The following LMF2 variants were observed in gnomAD, a reference collection of about 807,000 sequenced individuals.
LMF2 encodes transmembrane protein 112B.
A neutral mutation model predicts 81.5 loss-of-function variants in LMF2; 113 were observed. The observed-to-expected ratio is 1.39, with a 90% CI of 1.19 to 1.62. LMF2 has a LOEUF of 1.62. Among genes scored for constraint, LMF2 ranks in the 40% most tolerant of loss-of-function variants. The pLI is 0.00. For synonymous variants in LMF2, 645 were observed against 424.5 expected (o/e 1.52, Z -6.39); for missense variants, 1,235 against 929.1 (o/e 1.33, Z -4.28).
At position 50,506,797 on chromosome 22, in the gene LMF2, G is replaced by A. The variant is rs1301590338; in HGVS notation, c.333C>T (p.Tyr111=). The change falls in exon 2 of 14, where the codon TAC becomes TAT. Residue 111 remains tyrosine (Y), a synonymous_variant. Transcript: ENST00000474879. ...TCCCACTTGCCTGGCAGGCTGACAG[G>A]TAGGCGGCCCAAAGCAGCAAGTAGA... is the stretch of plus-strand genomic sequence containing the variant. ...PVIYLLLWAA[Y]LSACQVGQVF... The A allele has an allele frequency of 5.6e-6, 9 of 1,612,546 alleles. No individual in the cohort carries two copies. Among genetic ancestry groups the A allele is most frequent in the East Asian group, 2.2e-5 (1 of 44,850 alleles).
chr22:50,505,720 G>A lies in LMF2; in HGVS notation c.870C>T (p.His290=), dbSNP rs368160973. ...TGCCGTGGCCAGGCTCAGCAGCCAG[G>A]TGCTGGTCGTCCAGCAGCGCAGTGG... The part of the protein sequence containing the change: ...VLTTALLDDQ[H]LAAEPGHGSR... Residue 290 remains histidine (H), a synonymous_variant, in exon 6 of 14, where the codon CAC becomes CAT. Coordinates refer to ENST00000474879, the MANE Select transcript of LMF2 (RefSeq NM_033200.3). 59 of 1,612,904 alleles carry A rather than the reference G, an allele frequency of 3.7e-5. No homozygotes were observed. The highest frequency in any genetic ancestry group is 4.7e-5 in the Non-Finnish European group (55 of 1,179,970).
Position 50,503,300 on chromosome 22 carries a change from C to G in LMF2, c.*91G>C. On this transcript the variant is annotated 3_prime_UTR_variant, in exon 14 of 14. Coordinates refer to ENST00000474879, the MANE Select transcript of LMF2 (RefSeq NM_033200.3). ...CCTGTGCCTGGCCCTGCAGGGTCAG[C>G]TAAGGCACAGTGGCTGGGTCCTGTC... is the stretch of plus-strand genomic sequence containing the variant. The G allele has an allele frequency of 7.1e-7, 1 of 1,408,166 alleles. No individual in the cohort carries two copies. The highest frequency in any genetic ancestry group is 9.7e-7 in the Non-Finnish European group (1 of 1,027,902). The allele number at this position is 1,408,166 out of a possible 1,614,324, so 87.2% of individuals were successfully genotyped here. A position where few individuals can be genotyped will look rare whatever the true frequency, so the allele number is the denominator to read the frequency against.
chr22:50,506,720 T>TA (rs768501336), intron 2 of LMF2, 54 bp from the exon 3 acceptor site: 31 of 1,612,892 alleles, frequency 1.9e-5, no homozygotes, highest in Non-Finnish European at 2.2e-5. Flanking sequence ...TCAGGTAAGG[T>TA]AGAGGCAGGG....
Position 50,503,494 on chromosome 22 carries a change from C to A in LMF2, c.2021G>T (p.Arg674Leu), listed in dbSNP as rs767504721. The A allele has an allele frequency of 6.3e-6, 10 of 1,585,516 alleles. No homozygotes were observed. Among genetic ancestry groups the A allele is most frequent in the Non-Finnish European group, 8.6e-6 (10 of 1,169,296 alleles). Residue 674 changes from arginine (R) to leucine (L), a missense_variant, in exon 14 of 14, where the codon CGC (arginine) becomes CTC (leucine). Physicochemically the swap from Arg to Leu is moderately radical, Grantham distance 102. Coordinates refer to ENST00000474879, the MANE Select transcript of LMF2 (RefSeq NM_033200.3). Reference sequence around the variant, plus strand: ...GGAGTCTTTCTGGGAGGCTGGCCTGCGCTTCTCCCCGCTGACTGGTGCCAG... The same window carrying A: ...GGAGTCTTTCTGGGAGGCTGGCCTGAGCTTCTCCCCGCTGACTGGTGCCAG... ...SPLAPVSGEK[R>L]RPASQKDSGA...
At position 50,504,390 on chromosome 22, in the gene LMF2, G is replaced by A. The variant is rs751988553; in HGVS notation, c.1668C>T (p.Tyr556=). The change falls in exon 12 of 14, where the codon TAC becomes TAT. Residue 556 remains tyrosine (Y), a synonymous_variant. Transcript: ENST00000474879. ...AGTACTTGTAGCGCTGGGCTCGGAC[G>A]TAGGTGGGCGGCTGCTTGTGGAAGG... ...RYPFHKQPPT[Y]VRAQRYKYWF... is the part of the protein sequence containing the mutation. 11 of 1,612,272 alleles carry A rather than the reference G, an allele frequency of 6.8e-6. No homozygotes were observed. Among genetic ancestry groups the A allele is most frequent in the Admixed American group, 1.7e-5 (1 of 59,962 alleles).
At position 50,505,153 on chromosome 22, in the gene LMF2, C is replaced by T; in HGVS notation, c.1158G>A (p.Arg386=). ...LVWELLSALW[R]WTQVRGWLRK... is the part of the protein sequence containing the mutation. ...GTAGCCAGCCCCGCACCTGGGTCCA[C>T]CTGTGGGCAAGGACCCAAGGTCGTC... Residue 386 remains arginine (R), a splice_region_variant and synonymous_variant, in exon 9 of 14, where the codon AGG becomes AGA. Coordinates refer to ENST00000474879, the MANE Select transcript of LMF2 (RefSeq NM_033200.3). 1 of 1,612,962 alleles carries T rather than the reference C, an allele frequency of 6.2e-7. No homozygotes were observed. The highest frequency in any genetic ancestry group is 1.1e-5 in the South Asian group (1 of 91,092).
At chr22:50,507,294 G>A (rs995627196) in intron 1 of LMF2, 75 of 619,480 alleles carry the variant, frequency 1.2e-4, no homozygotes, top group African/African-American at 1.2e-3. Context: ...CCAGGTCTCA[G>A]CCCGATCTCC....
In LMF2 at chr22:50,503,915, A is replaced by G. The variant is rs1225530327; in HGVS notation, c.1719-11T>C. 1.2e-6 allele frequency: 2 copies of G among 1,603,390 alleles called. No homozygotes were observed. The highest frequency in any genetic ancestry group is 3.3e-5 in the Admixed American group (2 of 59,918). ...CGCCGCCACCACTGGCTGCAGCAGGACCCGATGTTCAGAAGCTGGAGGCAC... is the reference window on the plus strand; with the variant it reads ...CGCCGCCACCACTGGCTGCAGCAGGGCCCGATGTTCAGAAGCTGGAGGCAC... On this transcript the variant is annotated splice_polypyrimidine_tract_variant and intron_variant, in intron 12 of 13. Coordinates refer to ENST00000474879, the MANE Select transcript of LMF2 (RefSeq NM_033200.3).
At position 50,505,489 on chromosome 22, in the gene LMF2, G is replaced by A. The variant is rs1460384029; in HGVS notation, c.965C>T (p.Ala322Val). Reference protein sequence around the residue: ...LATLSLLLELAVYGLLAYGTV... With the variant: ...LATLSLLLELVVYGLLAYGTV... ...GCCATAGGCCAGAAGCCCGTAGACGGCTAGTTCCAGCAGCAGCGACAGGGT... is the reference window on the plus strand; with the variant it reads ...GCCATAGGCCAGAAGCCCGTAGACGACTAGTTCCAGCAGCAGCGACAGGGT... The change falls in exon 7 of 14, where the codon GCC becomes GTC. Residue 322 changes from alanine to valine, a missense_variant. Physicochemically the swap from Ala to Val is moderately conservative, Grantham distance 64. Transcript: ENST00000474879. 14 of 1,612,664 alleles carry A rather than the reference G, an allele frequency of 8.7e-6. No individual in the cohort carries two copies. The highest frequency in any genetic ancestry group is 1.2e-5 in the Non-Finnish European group (14 of 1,180,024).
In LMF2 at chr22:50,504,951, C is replaced by T. The variant is rs769391228; in HGVS notation, c.1288G>A (p.Gly430Arg). Reference protein sequence around the residue: ...PYSYVEPGTHGRLWTGAHRLF... With the variant: ...PYSYVEPGTHRRLWTGAHRLF... ...CGGTGGGCCCCGGTCCAGAGGCGCC[C>T]GTGGGTCCCGGGCTCCACGTAGGAG... is the stretch of plus-strand genomic sequence containing the variant. The change falls in exon 10 of 14, where the codon GGG (glycine) becomes AGG (arginine). Residue 430 changes from glycine (G) to arginine (R), a missense_variant. Transcript: ENST00000474879. 9 of 1,607,648 alleles carry T rather than the reference C, an allele frequency of 5.6e-6. No homozygotes were observed. Among genetic ancestry groups the T allele is most frequent in the African/African-American group, 4.0e-5 (3 of 74,806 alleles).
chr22:50,507,475 C>T (rs995305759), intron 1 of LMF2, 107 bp downstream of exon 1: 5 of 889,086 alleles, frequency 5.6e-6, no homozygotes, highest in Non-Finnish European at 9.2e-6. Flanking sequence ...CACGCCAAGG[C>T]CTGGCCCTCA....
intron 13 of LMF2, 29 bp from the exon 14 acceptor site, chr22:50,503,728 G>A (rs372426276): frequency 1.3e-6 from 2 of 1,586,354 alleles, no homozygotes; most frequent in East Asian, 2.2e-5. Flanking sequence ...GAGGGAGGTT[G>A]GGGAAGTGCT....
Position 50,505,729 on chromosome 22 carries a change from G to T in LMF2, c.861C>A (p.Asp287Glu). Residue 287 changes from aspartate to glutamate, a missense_variant, in exon 6 of 14, where the codon GAC (aspartate) becomes GAA (glutamate). Physicochemically the swap from Asp to Glu is conservative, Grantham distance 45. Coordinates refer to ENST00000474879, the MANE Select transcript of LMF2 (RefSeq NM_033200.3). ...MTLVLTTALL[D>E]DQHLAAEPGH... ...CAGGCTCAGCAGCCAGGTGCTGGTC[G>T]TCCAGCAGCGCAGTGGTAAGCACCA... 6.2e-7 allele frequency: 1 copy of T among 1,613,092 alleles called. No individual in the cohort carries two copies. Among genetic ancestry groups the T allele is most frequent in the African/African-American group, 1.3e-5 (1 of 75,052 alleles).
Position 50,503,195 on chromosome 22 carries a change from G to T in LMF2, c.*196C>A, listed in dbSNP as rs1272865251. 1 of 561,096 alleles carries T rather than the reference G, an allele frequency of 1.8e-6. No individual in the cohort carries two copies. Among genetic ancestry groups the T allele is most frequent in the Non-Finnish European group, 3.1e-6 (1 of 325,358 alleles). 34.8% of individuals were successfully genotyped at this position (561,096 alleles called of 1,614,324 possible). A position where few individuals can be genotyped will look rare whatever the true frequency, so the allele number is the denominator to read the frequency against. The stretch of plus-strand genomic sequence containing the variant: ...CACAGAGGCAATAGTGGGAGTCCTG[G>T]GGAGGGGCATGGCTGGCGTGGGGGT... On this transcript the variant is annotated 3_prime_UTR_variant, in exon 14 of 14. Transcript: ENST00000474879.
In LMF2 at chr22:50,505,150, C is replaced by A; in HGVS notation, c.1161G>T (p.Trp387Cys). The A allele has an allele frequency of 1.9e-6, 3 of 1,612,972 alleles. No homozygotes were observed. The highest frequency in any genetic ancestry group is 2.5e-6 in the Non-Finnish European group (3 of 1,179,988). ...VWELLSALWR[W>C]TQVRGWLRKL... is the part of the protein sequence containing the mutation. ...TCCGTAGCCAGCCCCGCACCTGGGT[C>A]CACCTGTGGGCAAGGACCCAAGGTC... The change falls in exon 9 of 14, where the codon TGG (tryptophan) becomes TGT (cysteine). Residue 387 changes from tryptophan to cysteine, a missense_variant. Transcript: ENST00000474879.
intron 1 of LMF2, chr22:50,507,272 C>T (rs1402688624): frequency 3.1e-6 from 2 of 647,510 alleles, no homozygotes; most frequent in Non-Finnish European, 2.6e-6. Context: ...CAGCAGAGCC[C>T]ACTGCCCTCT....
At chr22:50,507,459 C>G (rs2068623426) in intron 1 of LMF2, 123 bp downstream of exon 1, 2 of 792,300 alleles carry the variant, frequency 2.5e-6, no homozygotes, top group East Asian at 2.7e-5. Flanking sequence ...CCGCCGCCCC[C>G]TACCCCACGC....
At position 50,507,640 on chromosome 22, in the gene LMF2, G is replaced by T; in HGVS notation, c.36C>A (p.Leu12=). The T allele has an allele frequency of 6.4e-7, 1 of 1,555,432 alleles. No individual in the cohort carries two copies. Among genetic ancestry groups the T allele is most frequent in the East Asian group, 2.4e-5 (1 of 41,362 alleles). Residue 12 remains leucine (L), a synonymous_variant, in exon 1 of 14, where the codon CTC becomes CTA. Coordinates refer to ENST00000474879, the MANE Select transcript of LMF2 (RefSeq NM_033200.3). The part of the protein sequence containing the change: ...AGSRLPRQLF[L]QGVAAVFMFA... The stretch of plus-strand genomic sequence containing the variant: ...ACATGAAGACGGCCGCCACGCCCTG[G>T]AGGAAGAGCTGCCGCGGGAGCCGGG...
At chr22:50,505,008 A>G (rs1802784891) in intron 9 of LMF2, 24 bp from the exon 10 acceptor site, 1 of 1,611,466 alleles carries the variant, frequency 6.2e-7, no homozygotes, top group Non-Finnish European at 8.5e-7. Flanking sequence ...GGAGGTTCTC[A>G]GGGCTGCCCT....
Sources: gnomAD v4.1 joint callset for allele counts on GRCh38, gnomAD v4.1.1 for gene constraint, MANE v1.5 for transcripts, NCBI Gene and HGNC (gene_info 2026-07-23, HGNC 2026-07-21) for gene names.